PDS5B: variants seen among roughly 807,000 people sequenced by gnomAD.
The protein encoded by PDS5B is sister chromatid cohesion protein PDS5 homolog B.
A neutral mutation model predicts 184.1 loss-of-function variants in PDS5B; 51 were observed. The observed-to-expected ratio is 0.28, with a 90% CI of 0.22 to 0.35. The LOEUF is 0.35. PDS5B is among the 10% of genes least tolerant of loss of function. The pLI is 1.00. For missense variants in PDS5B, 1,180 were observed against 1,723.3 expected (o/e 0.68, Z 5.58); for synonymous variants, 566 against 569.2 (o/e 0.99, Z 0.08).
Position 32,646,158 on chromosome 13 carries a change from C to T in PDS5B, c.-19-2596C>T, listed in dbSNP as rs536999476. 5.9e-5 allele frequency among the ~76,000 whole-genome samples: 9 copies of T among 152,126 alleles called. No homozygotes were observed. The East Asian group carries it at 1.7e-3, about 29-fold the overall frequency. Reference sequence around the variant, plus strand: ...TAGCTGGGACCACAGGTGCACACCACTATGCTTGGCTAATTTATTTTTATT... The same window carrying T: ...TAGCTGGGACCACAGGTGCACACCATTATGCTTGGCTAATTTATTTTTATT... On this transcript the variant is annotated intron_variant, in intron 1 of 34. Transcript: ENST00000315596.
chr13:32,673,545 T>C (rs1950990310), intron 8 of PDS5B, among the ~76,000 whole-genome samples, 189 bp downstream of exon 8: 1 of 152,232 alleles, frequency 6.6e-6, no homozygotes, highest in Non-Finnish European at 1.5e-5. Context: ...GCCTAGCAGA[T>C]AGTAACTGTT....
chr13:32,598,084 T>C (rs529796645), intron 1 of PDS5B, among the ~76,000 whole-genome samples: 2 of 152,118 alleles, frequency 1.3e-5, no homozygotes, highest in African/African-American at 4.8e-5. Context: ...AATTAATTAA[T>C]TTACTTTTTG....
At chr13:32,678,658 C>T (rs1780638047) in intron 9 of PDS5B, among the ~76,000 whole-genome samples, 177 bp from the exon 10 acceptor site, 1 of 152,100 alleles carries the variant, frequency 6.6e-6, no homozygotes, top group Non-Finnish European at 1.5e-5. Context: ...ATAGAGTTTC[C>T]AGAGCATTCA....
chr13:32,670,678 TTAA>T (rs1376440555), intron 7 of PDS5B, among the ~76,000 whole-genome samples: 1 of 152,270 alleles, frequency 6.6e-6, no homozygotes, highest in Non-Finnish European at 1.5e-5. Flanking sequence ...GCATCACTTC[TTAA>T]TGATGTTATT....
intron 1 of PDS5B, among the ~76,000 whole-genome samples, chr13:32,626,620 T>A (rs551093374): frequency 5.3e-5 from 8 of 152,230 alleles, no homozygotes; most frequent in Admixed American, 1.3e-4. Context: ...GTTTTTTTTT[T>A]ATTTTCTTTG....
rs746016244 is a variant in PDS5B at position 32,658,425 on chromosome 13, TA to T, written c.400-8del. 2 of 1,536,320 alleles carry T rather than the reference TA, an allele frequency of 1.3e-6. No individual in the cohort carries two copies. Among genetic ancestry groups the T allele is most frequent in the African/African-American group, 2.7e-5 (2 of 72,758 alleles). ...GCTTAACTTTCACTTTTTTACACCT[TA>T]TTTTTAGAACATTGCTTGGGTCAAG... On this transcript the variant is annotated splice_region_variant and splice_polypyrimidine_tract_variant and intron_variant, in intron 4 of 34. Coordinates refer to ENST00000315596, the MANE Select transcript of PDS5B (RefSeq NM_015032.4).
chr13:32,681,605 G>A (rs1364974090), intron 10 of PDS5B, among the ~76,000 whole-genome samples: 1 of 151,084 alleles, frequency 6.6e-6, no homozygotes, highest in African/African-American at 2.4e-5. Flanking sequence ...CAGCCTGGGC[G>A]ATAGAGCAAG....
At position 32,742,637 on chromosome 13, in the gene PDS5B, A is replaced by G. The variant is rs1455975588; in HGVS notation, c.2522A>G (p.Asn841Ser). The part of the protein sequence containing the change: ...MMVRWLLGMK[N>S]NHSKSGTSTL... Reference sequence around the variant, plus strand: ...GTTCGATGGCTACTTGGAATGAAAAATAATCACAGTAAATCAGGAACTTCT... The same window carrying G: ...GTTCGATGGCTACTTGGAATGAAAAGTAATCACAGTAAATCAGGAACTTCT... The change falls in exon 23 of 35, where the codon AAT (asparagine) becomes AGT (serine). Residue 841 changes from asparagine to serine, a missense_variant. Coordinates refer to ENST00000315596, the MANE Select transcript of PDS5B (RefSeq NM_015032.4). The G allele has an allele frequency of 6.2e-7, 1 of 1,611,744 alleles. No homozygotes were observed. Among genetic ancestry groups the G allele is most frequent in the Non-Finnish European group, 8.5e-7 (1 of 1,178,210 alleles).
Position 32,653,943 on chromosome 13 carries a change from G to A in PDS5B, c.312+1936G>A, listed in dbSNP as rs191391250. 1.1e-4 allele frequency among the ~76,000 whole-genome samples: 17 copies of A among 152,228 alleles called. No homozygotes were observed. In the East Asian group the frequency reaches 3.1e-3, roughly 28 times the overall value. On this transcript the variant is annotated intron_variant, in intron 3 of 34. Coordinates refer to ENST00000315596, the MANE Select transcript of PDS5B (RefSeq NM_015032.4). Reference sequence around the variant, plus strand: ...TGCATAATCAAGGACCTATTTCAGGGCTTTGGGGGTAACGAGAAATTCTCC... The same window carrying A: ...TGCATAATCAAGGACCTATTTCAGGACTTTGGGGGTAACGAGAAATTCTCC...
rs117982329 is a variant in PDS5B, at chr13:32,636,121, A to G, written c.-19-12633A>G. ...CAGCATTCCCTAAAGAGCCTGAAGT[A>G]AAAACGAGAAAACTTGACCTCTTGT... is the stretch of plus-strand genomic sequence containing the variant. On this transcript the variant is annotated intron_variant, in intron 1 of 34. Transcript: ENST00000315596. Among the ~76,000 whole-genome samples the G allele has an allele frequency of 2.3e-3, 345 of 152,336 alleles. 1 individual carries two copies. Among genetic ancestry groups the G allele is most frequent in the Non-Finnish European group, 3.4e-3 (228 of 68,042 alleles).
chr13:32,640,447 ATGT>A (rs2058640852), intron 1 of PDS5B, among the ~76,000 whole-genome samples: 1 of 152,028 alleles, frequency 6.6e-6, no homozygotes, highest in African/African-American at 2.4e-5. Context: ...GGGTTTCGCC[ATGT>A]TGTCCTGGCT....
chr13:32,588,243 T>G (rs776306886), intron 1 of PDS5B, among the ~76,000 whole-genome samples: 13 of 152,246 alleles, frequency 8.5e-5, no homozygotes, highest in Non-Finnish European at 1.6e-4. Context: ...GCAGAAAACC[T>G]AATTAAAATT....
intron 1 of PDS5B, among the ~76,000 whole-genome samples, chr13:32,597,175 A>G (rs2057889412): frequency 6.6e-6 from 1 of 151,346 alleles, no homozygotes. Flanking sequence ...CTGGGTCTAC[A>G]GATACGTGCC....
intron 25 of PDS5B, among the ~76,000 whole-genome samples, chr13:32,753,951 C>T (rs547896755): frequency 6.6e-5 from 10 of 152,256 alleles, no homozygotes; most frequent in Admixed American, 5.9e-4. Flanking sequence ...CACTTTACCC[C>T]ATTGAGGTTA....
chr13:32,760,485 A>G, intron 29 of PDS5B, 90 bp from the exon 30 acceptor site: 1 of 1,204,808 alleles, frequency 8.3e-7, no homozygotes, highest in Non-Finnish European at 1.2e-6. Context: ...GTAAGTAAAT[A>G]CTTTGAGAGA....
At chr13:32,648,446 G>A (rs1950281595) in intron 1 of PDS5B, among the ~76,000 whole-genome samples, 1 of 152,090 alleles carries the variant, frequency 6.6e-6, no homozygotes, top group Admixed American at 6.6e-5. Flanking sequence ...GTACTTTGTG[G>A]TGCTTTTAAA....
intron 22 of PDS5B, among the ~76,000 whole-genome samples, chr13:32,741,395 G>A (rs534681366): frequency 7.0e-4 from 107 of 152,234 alleles, no homozygotes; most frequent in South Asian, 1.4e-3. Flanking sequence ...GATGGCAAAA[G>A]GCAGTGCTAG....
chr13:32,678,752 G>T, intron 9 of PDS5B, 83 bp from the exon 10 acceptor site: 1 of 792,206 alleles, frequency 1.3e-6, no homozygotes, highest in Admixed American at 2.3e-5. Context: ...TCTTTAATTA[G>T]ATAAATGTAA....
chr13:32,695,083 G>A (rs1951664562), intron 14 of PDS5B, among the ~76,000 whole-genome samples: 1 of 151,556 alleles, frequency 6.6e-6, no homozygotes, highest in South Asian at 2.1e-4. Context: ...TTTTCCCTAG[G>A]CATAAATTCA....
Sources: gnomAD v4.1 joint callset for allele counts (sites outside exome capture counted in the v4.1 genomes callset) on GRCh38, gnomAD v4.1.1 for gene constraint, MANE v1.5 for transcripts, NCBI Gene and HGNC (gene_info 2026-07-23, HGNC 2026-07-21) for gene names.